The following SEMA3A variants were observed in gnomAD, a reference collection of about 807,000 sequenced individuals.
SEMA3A encodes the protein semaphorin 3A.
SEMA3A carries 29 observed loss-of-function variants against 97.9 expected under a neutral mutation model. That is an observed-to-expected ratio of 0.30 (90% confidence interval 0.22 to 0.40). The LOEUF is 0.40. SEMA3A is among the 10% of genes least tolerant of loss of function. The probability of loss-of-function intolerance (pLI) is 1.00; values close to 1 mark genes in which losing one functional copy is unlikely to be tolerated. For synonymous variants in SEMA3A, 321 were observed against 323.7 expected (o/e 0.99, Z 0.09); for missense variants, 763 against 951.3 (o/e 0.80, Z 2.60).
At chr7:84,422,660 A>T (rs925632904) in intron 1 of SEMA3A, among the ~76,000 whole-genome samples, 2 of 152,060 alleles carry the variant, frequency 1.3e-5, no homozygotes, top group Non-Finnish European at 2.9e-5. Context: ...TTAGTGCTAT[A>T]AATTACCTTC....
chr7:84,203,762 C>T (rs542620803), intron 3 of SEMA3A, among the ~76,000 whole-genome samples: 9 of 151,386 alleles, frequency 5.9e-5, no homozygotes, highest in South Asian at 4.2e-4. Flanking sequence ...AACTCCTGAC[C>T]GCAGGTGATC....
chr7:84,166,120 A>G (rs1358283137), intron 1 of SEMA3A, among the ~76,000 whole-genome samples: 2 of 151,952 alleles, frequency 1.3e-5, no homozygotes, highest in Admixed American at 1.3e-4. Flanking sequence ...AAAAAGTAAA[A>G]TAAATATTAG....
At chr7:84,024,174 T>C (rs1053543822) in intron 6 of SEMA3A, among the ~76,000 whole-genome samples, 1 of 152,128 alleles carries the variant, frequency 6.6e-6, no homozygotes, top group African/African-American at 2.4e-5. Context: ...ATATAAAAAC[T>C]GTTCTGTGAT....
chr7:84,233,704 A>G (rs1183833696), intron 3 of SEMA3A, among the ~76,000 whole-genome samples: 1 of 152,048 alleles, frequency 6.6e-6, no homozygotes, highest in African/African-American at 2.4e-5. Context: ...CTTATTGTTA[A>G]CTGAGTAGAT....
chr7:84,034,146 G>C (rs1267581567), intron 6 of SEMA3A, among the ~76,000 whole-genome samples: 2 of 151,898 alleles, frequency 1.3e-5, no homozygotes, highest in Non-Finnish European at 2.9e-5. Flanking sequence ...ACCACACCTG[G>C]CTGATTTTCG....
intron 1 of SEMA3A, among the ~76,000 whole-genome samples, chr7:84,391,521 T>A (rs1332691742): frequency 6.6e-6 from 1 of 152,092 alleles, no homozygotes; most frequent in Non-Finnish European, 1.5e-5. Flanking sequence ...GTAAATATTT[T>A]GGAACAGCAG....
At position 84,313,352 on chromosome 7, in the gene SEMA3A, GTGTGTATATATA is replaced by G. The variant is rs1422211556; in HGVS notation, c.-168-6072_-168-6061del. The stretch of plus-strand genomic sequence containing the variant: ...TACATATATATATATGTATATGTGT[GTGTGTATATATA>G]TATATATATATATATATATATATAT... On this transcript the variant is annotated intron_variant, in intron 2 of 3. Transcript: ENST00000424555. 6.1e-3 allele frequency among the ~76,000 whole-genome samples: 508 copies of G among 83,382 alleles called. 25 individuals are homozygous for G. The highest frequency in any genetic ancestry group is 7.6e-3 in the Non-Finnish European group (344 of 45,484). The allele number at this position is 83,382 out of a possible 152,430, so 54.7% of individuals were successfully genotyped here. A position where few individuals can be genotyped will look rare whatever the true frequency, so the allele number is the denominator to read the frequency against.
At chr7:84,071,794 T>C (rs891945981) in intron 4 of SEMA3A, among the ~76,000 whole-genome samples, 1 of 152,168 alleles carries the variant, frequency 6.6e-6, no homozygotes, top group Admixed American at 6.6e-5. Flanking sequence ...TCTAAGTACA[T>C]TTCTTTCAAA....
intron 1 of SEMA3A, among the ~76,000 whole-genome samples, chr7:84,173,088 A>G (rs183186521): frequency 6.6e-5 from 10 of 152,312 alleles, no homozygotes; most frequent in African/African-American, 2.4e-4. Flanking sequence ...GGAAAAGTAC[A>G]GTAGGAAGCG....
At chr7:84,051,755 G>T (rs544432725) in intron 5 of SEMA3A, among the ~76,000 whole-genome samples, 10 of 152,184 alleles carry the variant, frequency 6.6e-5, no homozygotes, top group South Asian at 4.2e-4. Flanking sequence ...ATGTTGAATA[G>T]GAGTGGTGAG....
chr7:84,447,964 C>A (rs1439129908), intron 1 of SEMA3A, among the ~76,000 whole-genome samples: 1 of 152,242 alleles, frequency 6.6e-6, no homozygotes, highest in African/African-American at 2.4e-5. Context: ...TCTGGTCCAG[C>A]TACACAGCCT....
At chr7:84,352,305 C>A (rs1802456785) in intron 2 of SEMA3A, among the ~76,000 whole-genome samples, 1 of 151,816 alleles carries the variant, frequency 6.6e-6, no homozygotes. Context: ...TGAATGAGAT[C>A]TTGTATTTAA....
chr7:84,405,668 A>C (rs545092483), intron 1 of SEMA3A, among the ~76,000 whole-genome samples: 2 of 152,298 alleles, frequency 1.3e-5, no homozygotes, highest in African/African-American at 4.8e-5. Flanking sequence ...CAGCAAATGT[A>C]AAAGAACAGA....
intron 6 of SEMA3A, among the ~76,000 whole-genome samples, chr7:84,045,567 T>C (rs1465334882): frequency 6.6e-6 from 1 of 151,810 alleles, no homozygotes; most frequent in Non-Finnish European, 1.5e-5. Flanking sequence ...TAGTTAAAAT[T>C]TTGAATAAGA....
At chr7:84,095,370 T>TTTTTTTTAGATCC (rs1562778249) in intron 4 of SEMA3A, among the ~76,000 whole-genome samples, 1 of 54,214 alleles carries the variant, frequency 1.8e-5, no homozygotes, top group African/African-American at 3.7e-5. Flanking sequence ...TATATATATA[T>TTTTTTTTAGATCC]ATATATATAT....
At chr7:84,391,569 T>A (rs574685212) in intron 1 of SEMA3A, among the ~76,000 whole-genome samples, 183 of 152,278 alleles carry the variant, frequency 1.2e-3, no homozygotes, top group African/African-American at 4.2e-3. Flanking sequence ...TGTACTTCAC[T>A]TCCAGGACAG....
At chr7:84,018,958 G>C (rs544504535) in intron 6 of SEMA3A, among the ~76,000 whole-genome samples, 1 of 152,194 alleles carries the variant, frequency 6.6e-6, no homozygotes, top group African/African-American at 2.4e-5. Flanking sequence ...AACAATTGCA[G>C]TGAGGCCAAA....
At position 84,437,137 on chromosome 7, in the gene SEMA3A, T is replaced by C. The variant is rs139613675; in HGVS notation, c.-246+55323A>G. 2.9e-3 allele frequency among the ~76,000 whole-genome samples: 448 copies of C among 152,142 alleles called. 1 individual carries two copies. Among genetic ancestry groups the C allele is most frequent in the African/African-American group, 0.01 (430 of 41,542 alleles). The stretch of plus-strand genomic sequence containing the variant: ...GCGTTTTTACAATAAGCGCTCTGGA[T>C]TGTTGAGGTGATTCTTAAAGGGTTA... On this transcript the variant is annotated intron_variant, in intron 1 of 3. Transcript: ENST00000424555.
intron 2 of SEMA3A, among the ~76,000 whole-genome samples, chr7:84,326,973 A>T (rs998613956): frequency 6.6e-6 from 1 of 152,090 alleles, no homozygotes; most frequent in African/African-American, 2.4e-5. Flanking sequence ...TGAAAATGGG[A>T]TCTAATTAAA....
Sources: allele counts gnomAD v4.1 joint callset (sites outside exome capture counted in the v4.1 genomes callset), GRCh38; gene constraint gnomAD v4.1.1; transcripts MANE v1.5; gene names NCBI Gene and HGNC (gene_info 2026-07-23, HGNC 2026-07-21).